Variants in PLCL1 observed in about 807,000 individuals in gnomAD.
The protein encoded by PLCL1 is phospholipase C like 1 (inactive).
In PLCL1, 41 loss-of-function variants were observed where a neutral mutation model predicts 84.4. The observed-to-expected ratio is 0.49, with a 90% confidence interval of 0.38 to 0.63. The LOEUF (loss-of-function observed/expected upper bound fraction) is 0.63. PLCL1 is among the 30% of genes least tolerant of loss of function. The pLI, the probability that PLCL1 is intolerant of heterozygous loss-of-function variation, is 0.00. For synonymous variants in PLCL1, 490 were observed against 488.3 expected, an observed-to-expected ratio of 1.00 and a Z score of -0.05; for missense variants, 1,206 against 1,367.8, an observed-to-expected ratio of 0.88 and a Z score of 1.87.
intron 1 of PLCL1, among the ~76,000 whole-genome samples, chr2:197,876,667 G>C (rs554593827): frequency 1.3e-5 from 2 of 152,156 alleles, no homozygotes; most frequent in African/African-American, 4.8e-5. Context: ...ATTTTTGGTA[G>C]AAGTGAGTTC....
At chr2:197,910,671 G>A (rs1688469495) in intron 1 of PLCL1, among the ~76,000 whole-genome samples, 2 of 151,880 alleles carry the variant, frequency 1.3e-5, no homozygotes, top group African/African-American at 4.8e-5. Context: ...CTTTATTCCC[G>A]GCAACCCGAA....
intron 1 of PLCL1, among the ~76,000 whole-genome samples, chr2:197,914,784 G>A (rs1688559581): frequency 6.6e-6 from 1 of 152,110 alleles, no homozygotes; most frequent in African/African-American, 2.4e-5. Flanking sequence ...GAGATGAGAG[G>A]ACACAGTTCT....
At chr2:198,129,947 T>A (rs950554724) in intron 5 of PLCL1, among the ~76,000 whole-genome samples, 2 of 152,140 alleles carry the variant, frequency 1.3e-5, no homozygotes, top group Non-Finnish European at 2.9e-5. Context: ...TTTTATCTTT[T>A]TTGACTAGTT....
intron 1 of PLCL1, among the ~76,000 whole-genome samples, chr2:197,964,942 G>C (rs1487110140): frequency 6.6e-6 from 1 of 152,104 alleles, no homozygotes; most frequent in African/African-American, 2.4e-5. Flanking sequence ...ACTTGGTCAT[G>C]ATGAATGATT....
intron 1 of PLCL1, among the ~76,000 whole-genome samples, chr2:198,016,623 T>G (rs960219594): frequency 6.6e-6 from 1 of 152,166 alleles, no homozygotes; most frequent in African/African-American, 2.4e-5. Context: ...GTAATAAAAC[T>G]TTGTTTACAG....
rs1692864795 is a variant in PLCL1 at position 198,085,879 on chromosome 2, C to T, written c.2362C>T (p.Leu788=). ...FDETFEFQVN[L]PELAMIRFVV... ...TGAAACTTTTGAGTTCCAAGTAAAC[C>T]TACCTGAGCTGGCCATGATCCGTTT... The change falls in exon 2 of 6, where the codon CTA becomes TTA. Residue 788 remains leucine, a synonymous_variant. Coordinates refer to ENST00000428675, the MANE Select transcript of PLCL1 (RefSeq NM_006226.4). The surrounding 1 kb of genome is among the most constrained non-coding windows in gnomAD (Gnocchi z 5.3). 1 of 1,614,030 alleles carries T rather than the reference C, an allele frequency of 6.2e-7. No homozygotes were observed. Among genetic ancestry groups the T allele is most frequent in the Non-Finnish European group, 8.5e-7 (1 of 1,179,934 alleles).
chr2:197,862,635 G>A (rs1687453395), intron 1 of PLCL1, among the ~76,000 whole-genome samples: 1 of 151,994 alleles, frequency 6.6e-6, no homozygotes, highest in Admixed American at 6.6e-5. Flanking sequence ...GCTTGATGTG[G>A]GAACACTTTA....
rs375265173 is a variant in PLCL1 at position 198,004,703 on chromosome 2, A to C, written c.241-79055A>C. Among the ~76,000 whole-genome samples the C allele has an allele frequency of 3.1e-4, 47 of 152,354 alleles. 1 individual carries two copies. The highest frequency in any genetic ancestry group is 1.1e-3 in the African/African-American group (45 of 41,590). ...AAATCTTAAATACTGGAAAGAATAG[A>C]CTTAAGAAAAATATTCCAACATTGA... On this transcript the variant is annotated intron_variant, in intron 1 of 5. Coordinates refer to ENST00000428675, the MANE Select transcript of PLCL1 (RefSeq NM_006226.4).
chr2:197,859,354 T>G (rs1239483120), intron 1 of PLCL1, among the ~76,000 whole-genome samples: 2 of 152,218 alleles, frequency 1.3e-5, no homozygotes, highest in Non-Finnish European at 2.9e-5. Flanking sequence ...CTCAGTTTTA[T>G]AAATTCTTAA....
At chr2:197,975,565 A>G (rs2105800575) in intron 1 of PLCL1, among the ~76,000 whole-genome samples, 1 of 152,284 alleles carries the variant, frequency 6.6e-6, no homozygotes, top group South Asian at 2.1e-4. Context: ...GTACTTTGGG[A>G]GGCCTAGGTG....
intron 1 of PLCL1, among the ~76,000 whole-genome samples, chr2:198,024,780 T>C: frequency 6.8e-6 from 1 of 146,614 alleles, no homozygotes; most frequent in African/African-American, 2.5e-5. Flanking sequence ...AAAAAACAAT[T>C]ACTACGAGTG....
chr2:197,995,825 G>A (rs1386121065), intron 1 of PLCL1, among the ~76,000 whole-genome samples: 1 of 152,140 alleles, frequency 6.6e-6, no homozygotes, highest in African/African-American at 2.4e-5. Context: ...TCTGTCTTTT[G>A]CTTGCTATCC....
At chr2:197,894,156 C>T (rs1340556017) in intron 1 of PLCL1, among the ~76,000 whole-genome samples, 1 of 151,844 alleles carries the variant, frequency 6.6e-6, no homozygotes, top group African/African-American at 2.4e-5. Flanking sequence ...CTTGTCTATC[C>T]CCTGTCCATG....
At chr2:197,903,279 A>G (rs1272065765) in intron 1 of PLCL1, among the ~76,000 whole-genome samples, 3 of 152,258 alleles carry the variant, frequency 2.0e-5, no homozygotes, top group Non-Finnish European at 2.9e-5. Flanking sequence ...ATGCAAACGC[A>G]TGGATTTGCT....
chr2:198,090,703 TA>T (rs1408297061), intron 3 of PLCL1, among the ~76,000 whole-genome samples: 5 of 152,208 alleles, frequency 3.3e-5, no homozygotes, highest in Non-Finnish European at 7.3e-5. Context: ...ATTCAGTGAA[TA>T]GGTATAATTG....
intron 5 of PLCL1, among the ~76,000 whole-genome samples, chr2:198,145,205 C>T (rs554955132): frequency 1.3e-5 from 2 of 152,056 alleles, no homozygotes; most frequent in Non-Finnish European, 2.9e-5. Context: ...TTCTGGGATA[C>T]ATGTGCAGAA....
chr2:198,010,278 T>C (rs1315279920), intron 1 of PLCL1, among the ~76,000 whole-genome samples: 3 of 152,000 alleles, frequency 2.0e-5, no homozygotes, highest in African/African-American at 4.8e-5. Context: ...TCTTTTCTCA[T>C]CGAATATGAT....
At chr2:198,064,444 C>G (rs1692278188) in intron 1 of PLCL1, among the ~76,000 whole-genome samples, 1 of 152,102 alleles carries the variant, frequency 6.6e-6, no homozygotes, top group Admixed American at 6.5e-5. Context: ...GTCCATATTA[C>G]CAGTGCAAAT....
intron 1 of PLCL1, among the ~76,000 whole-genome samples, chr2:197,860,071 A>G (rs1687400792): frequency 6.6e-6 from 1 of 151,844 alleles, no homozygotes; most frequent in Non-Finnish European, 1.5e-5. Context: ...GTGCCCCTCT[A>G]TGTGTCCATG....
Sources: gnomAD v4.1 joint callset for allele counts (sites outside exome capture counted in the v4.1 genomes callset) on GRCh38, gnomAD v4.1.1 for gene constraint, Gnocchi (gnomAD v3.1) non-coding constraint, MANE v1.5 for transcripts, NCBI Gene and HGNC (gene_info 2026-07-23, HGNC 2026-07-21) for gene names.